CD200R1: variants seen among roughly 807,000 people sequenced by gnomAD.
CD200R1 encodes the protein CD200 receptor 1.
In CD200R1, 30 loss-of-function variants were observed where a neutral mutation model predicts 38.1. The ratio of observed to expected loss-of-function variants is 0.79; its 90% CI spans 0.59 to 1.07. CD200R1 has a LOEUF of 1.07. Ranked by LOEUF, CD200R1 falls within the 50% of genes least tolerant of loss-of-function variation. CD200R1 has a pLI of 0.00. For synonymous variants in CD200R1, 128 were observed against 152.1 expected, an observed-to-expected ratio of 0.84 and a Z score of 1.16; for missense variants, 372 against 415.4, an observed-to-expected ratio of 0.90 and a Z score of 0.91.
intron 1 of CD200R1, among the ~76,000 whole-genome samples, chr3:112,959,405 A>G (rs754760834): frequency 6.6e-6 from 1 of 152,076 alleles, no homozygotes; most frequent in Non-Finnish European, 1.5e-5. Context: ...TTATCAGATA[A>G]CCATATTAGC....
chr3:112,945,840 T>C (rs1940838295), intron 2 of CD200R1, among the ~76,000 whole-genome samples: 3 of 151,970 alleles, frequency 2.0e-5, no homozygotes, highest in African/African-American at 7.2e-5. Flanking sequence ...CCATCTTGGC[T>C]AACACGGTGA....
intron 2 of CD200R1, among the ~76,000 whole-genome samples, chr3:112,942,799 T>C (rs1323633726): frequency 6.6e-6 from 1 of 151,596 alleles, no homozygotes; most frequent in African/African-American, 2.4e-5. Flanking sequence ...GTCATGCTAA[T>C]ACTAATCAAA....
At chr3:112,932,636 C>T (rs369611776) in intron 2 of CD200R1, among the ~76,000 whole-genome samples, 6 of 152,096 alleles carry the variant, frequency 3.9e-5, no homozygotes, top group South Asian at 2.1e-4. Context: ...CATGACTAAT[C>T]AGCAGCCCAC....
Position 112,974,868 on chromosome 3 carries a change from T to C in CD200R1, c.-11A>G. 2 of 1,611,256 alleles carry C rather than the reference T, an allele frequency of 1.2e-6. No individual in the cohort carries two copies. The highest frequency in any genetic ancestry group is 2.2e-5 in the South Asian group (2 of 90,984). ...CCAAGGGCAGAGCATTTCTGTTTTC[T>C]CTTTTTCTGCCCTTCACTCAGTACT... is the stretch of plus-strand genomic sequence containing the variant. On this transcript the variant is annotated 5_prime_UTR_variant, in exon 1 of 8. Coordinates refer to ENST00000308611, the MANE Select transcript of CD200R1 (RefSeq NM_138806.4).
intron 1 of CD200R1, among the ~76,000 whole-genome samples, chr3:112,959,283 T>C (rs565048312): frequency 9.5e-4 from 144 of 152,276 alleles, no homozygotes; most frequent in African/African-American, 3.4e-3. Context: ...TTTCCTTCAG[T>C]TGCAGGTCTT....
intron 2 of CD200R1, among the ~76,000 whole-genome samples, chr3:112,935,024 T>G (rs1006300027): frequency 6.6e-6 from 1 of 152,112 alleles, no homozygotes; most frequent in South Asian, 2.1e-4. Flanking sequence ...ATAAAGGAAT[T>G]TATTCAGCAA....
intron 2 of CD200R1, among the ~76,000 whole-genome samples, chr3:112,938,724 A>T (rs889825514): frequency 5.9e-5 from 9 of 152,222 alleles, no homozygotes; most frequent in African/African-American, 2.2e-4. Context: ...ACTTCAAACT[A>T]TTCCAAAAAA....
At chr3:112,925,045 A>G (rs1369073256) in intron 6 of CD200R1, 40 bp downstream of exon 6, 2 of 1,181,074 alleles carry the variant, frequency 1.7e-6, no homozygotes, top group Non-Finnish European at 2.5e-6. Context: ...TTTCTAGCCT[A>G]ATAAAGCTGA....
At chr3:112,966,104 A>G (rs529505516) in intron 1 of CD200R1, among the ~76,000 whole-genome samples, 1 of 152,354 alleles carries the variant, frequency 6.6e-6, no homozygotes, top group East Asian at 1.9e-4. Flanking sequence ...AAACCTTACC[A>G]TCTGTGGACA....
chr3:112,961,303 T>G (rs1262151395), intron 1 of CD200R1, among the ~76,000 whole-genome samples: 1 of 152,058 alleles, frequency 6.6e-6, no homozygotes, highest in Non-Finnish European at 1.5e-5. Context: ...TGATAAATAC[T>G]ATTATAAGAA....
At chr3:112,928,792 A>T (rs1177500268) in intron 5 of CD200R1, 24 bp downstream of exon 5, 1 of 1,544,294 alleles carries the variant, frequency 6.5e-7, no homozygotes, top group East Asian at 2.3e-5. Context: ...AAAAATAAAA[A>T]ATAAAACTAA....
chr3:112,953,784 G>A (rs1211216268), intron 1 of CD200R1, among the ~76,000 whole-genome samples: 1 of 152,102 alleles, frequency 6.6e-6, no homozygotes, highest in African/African-American at 2.4e-5. Context: ...TACAGTATAA[G>A]TTGTAATGTC....
rs563046316 is a variant in CD200R1 at position 112,973,340 on chromosome 3, CT to C, written c.67+1450del. ...AGGCTAAAACTAAGTATTGGCTTGA[CT>C]TTTTTCACTGATGCTCTTCAGTGAA... On this transcript the variant is annotated intron_variant, in intron 1 of 7. Transcript: ENST00000308611. Among the ~76,000 whole-genome samples the C allele has an allele frequency of 1.9e-4, 29 of 152,268 alleles. 1 individual carries two copies. The East Asian group carries it at 5.6e-3, about 29-fold the overall frequency.
intron 1 of CD200R1, among the ~76,000 whole-genome samples, chr3:112,970,762 A>G (rs951356607): frequency 4.6e-5 from 7 of 152,140 alleles, no homozygotes; most frequent in African/African-American, 1.7e-4. Context: ...ATTTGTTCCC[A>G]TTACCTTATT....
At chr3:112,953,821 G>T (rs910703175) in intron 1 of CD200R1, among the ~76,000 whole-genome samples, 6 of 151,946 alleles carry the variant, frequency 3.9e-5, no homozygotes, top group African/African-American at 1.5e-4. Context: ...TTTTATGGAT[G>T]TGAGTCTCTC....
rs138102109 is a variant in CD200R1 at position 112,960,608 on chromosome 3, A to T, written c.68-12684T>A. ...TCCGTTTCTGCACCAATACCAAAAAAAGACAATATAAATGTTATTGTTTGG... is the reference window on the plus strand; with the variant it reads ...TCCGTTTCTGCACCAATACCAAAAATAGACAATATAAATGTTATTGTTTGG... On this transcript the variant is annotated intron_variant, in intron 1 of 7. Coordinates refer to ENST00000308611, the MANE Select transcript of CD200R1 (RefSeq NM_138806.4). 6.6e-5 allele frequency among the ~76,000 whole-genome samples: 10 copies of T among 152,194 alleles called. 1 individual carries two copies. The highest frequency in any genetic ancestry group is 6.5e-4 in the Admixed American group (10 of 15,282).
At chr3:112,940,383 A>G (rs145931789) in intron 2 of CD200R1, among the ~76,000 whole-genome samples, 9 of 152,114 alleles carry the variant, frequency 5.9e-5, no homozygotes, top group African/African-American at 2.2e-4. Flanking sequence ...ATAAACTTAC[A>G]GAATGGGATA....
chr3:112,932,778 T>TC (rs1003783317), intron 2 of CD200R1, among the ~76,000 whole-genome samples: 14 of 150,542 alleles, frequency 9.3e-5, no homozygotes, highest in African/African-American at 2.9e-4. Flanking sequence ...CCAGTGGACA[T>TC]CCCCCCCAGG....
chr3:112,953,589 T>C (rs1189677928), intron 1 of CD200R1, among the ~76,000 whole-genome samples: 3 of 152,218 alleles, frequency 2.0e-5, no homozygotes, highest in African/African-American at 7.2e-5. Flanking sequence ...ACTTCTCTGA[T>C]GGATGATTTT....
Sources: gnomAD v4.1 joint callset for allele counts (sites outside exome capture counted in the v4.1 genomes callset) on GRCh38, gnomAD v4.1.1 for gene constraint, MANE v1.5 for transcripts, NCBI Gene and HGNC (gene_info 2026-07-23, HGNC 2026-07-21) for gene names.